The following TMEM128 variants were observed in gnomAD, a reference collection of about 807,000 sequenced individuals.
TMEM128 encodes transmembrane protein 128.
Under a neutral mutation model 19.7 loss-of-function variants are expected in TMEM128, and 16 were observed. That is an observed-to-expected ratio of 0.81 (90% CI 0.55 to 1.23). The LOEUF (loss-of-function observed/expected upper bound fraction) is 1.23. TMEM128 is among the 50% of genes most tolerant of loss of function. The pLI, the probability that TMEM128 is intolerant of heterozygous loss-of-function variation, is 0.00. For synonymous variants in TMEM128, 98 were observed against 75.8 expected (o/e 1.29, Z -1.52); for missense variants, 237 against 200.8 (o/e 1.18, Z -1.09).
intron 3 of TMEM128, 58 bp downstream of exon 3, chr4:4,240,263 T>C: frequency 6.3e-7 from 1 of 1,578,278 alleles, no homozygotes; most frequent in Non-Finnish European, 8.6e-7. Context: ...CATATCACTA[T>C]CTGATCAAAA....
At chr4:4,243,729 C>T (rs1718055014) in intron 2 of TMEM128, among the ~76,000 whole-genome samples, 1 of 152,144 alleles carries the variant, frequency 6.6e-6, no homozygotes, top group Non-Finnish European at 1.5e-5. Flanking sequence ...ACTTTCTTTC[C>T]AACCCCCACA....
At chr4:4,242,088 G>T (rs1260399754) in intron 2 of TMEM128, among the ~76,000 whole-genome samples, 1 of 152,094 alleles carries the variant, frequency 6.6e-6, no homozygotes, top group Non-Finnish European at 1.5e-5. Context: ...TTTTAGTAGA[G>T]ATGGGGTTTC....
Position 4,245,038 on chromosome 4 carries a change from G to A in TMEM128, c.239+1164C>T, listed in dbSNP as rs561538967. 4.6e-5 allele frequency among the ~76,000 whole-genome samples: 7 copies of A among 152,200 alleles called. No homozygotes were observed. In the South Asian group the frequency reaches 1.4e-3, roughly 31 times the overall value. On this transcript the variant is annotated intron_variant, in intron 2 of 4. Transcript: ENST00000382753. Reference sequence around the variant, plus strand: ...CACTGCTCCTCCTGAAGGCCCTTGAGGAGAAATCATGTGTCCTGCCATGAT... The same window carrying A: ...CACTGCTCCTCCTGAAGGCCCTTGAAGAGAAATCATGTGTCCTGCCATGAT...
At chr4:4,247,555 C>A in intron 1 of TMEM128, 2 of 1,613,818 alleles carry the variant, frequency 1.2e-6, no homozygotes, top group East Asian at 2.2e-5. Context: ...CTACTGAATT[C>A]TTCCATATTC....
At chr4:4,247,469 A>C in intron 1 of TMEM128, 1 of 1,243,050 alleles carries the variant, frequency 8.0e-7, no homozygotes, top group South Asian at 1.4e-5. Context: ...GAGATAAAAA[A>C]TATCCAAAAT....
At chr4:4,237,434 AC>A (rs1327978463) in intron 4 of TMEM128, among the ~76,000 whole-genome samples, 3 of 152,052 alleles carry the variant, frequency 2.0e-5, no homozygotes, top group African/African-American at 7.2e-5. Context: ...TCAGCCCCCA[AC>A]CCCCGCCAGC....
At position 4,235,547 on chromosome 4, in the gene TMEM128, TATAAAA is replaced by T. The variant is rs1260479258; in HGVS notation, c.*713_*718del. 6.6e-6 allele frequency: 1 copy of T among 152,446 alleles called. No homozygotes were observed. The highest frequency in any genetic ancestry group is 1.5e-5 in the Non-Finnish European group (1 of 68,040). 9.4% of individuals were successfully genotyped at this position (152,446 alleles called of 1,614,324 possible). ...GCATGAACAAAACTCACAAGAAAGT[TATAAAA>T]ATATTTTATTTAAATGATACAGAAA... On this transcript the variant is annotated 3_prime_UTR_variant, in exon 5 of 5. Coordinates refer to ENST00000382753, the MANE Select transcript of TMEM128 (RefSeq NM_001297551.2).
chr4:4,245,237 C>A (rs1718120280), intron 2 of TMEM128, among the ~76,000 whole-genome samples: 2 of 152,134 alleles, frequency 1.3e-5, no homozygotes, highest in Non-Finnish European at 2.9e-5. Context: ...GCAGTAAGGA[C>A]CCTAGGATAT....
In TMEM128 at chr4:4,237,919, A is replaced by G. The variant is rs757745482; in HGVS notation, c.415T>C (p.Trp139Arg). ...AAGICFNIAL[W>R]HVWSFFTPLL... ...GGAGTGAAAAACGACCACACATGCC[A>G]TAAAGCAATGTTGAAGCTGAAAAGA... The change falls in exon 4 of 5, where the codon TGG becomes CGG. Residue 139 changes from tryptophan (W) to arginine (R), a missense_variant. Coordinates refer to ENST00000382753, the MANE Select transcript of TMEM128 (RefSeq NM_001297551.2). The G allele has an allele frequency of 2.5e-6, 4 of 1,574,276 alleles. No individual in the cohort carries two copies. The highest frequency in any genetic ancestry group is 3.7e-5 in the Admixed American group (2 of 53,458).
At chr4:4,244,695 C>T (rs150514040) in intron 2 of TMEM128, among the ~76,000 whole-genome samples, 1 of 152,164 alleles carries the variant, frequency 6.6e-6, no homozygotes, top group East Asian at 1.9e-4. Flanking sequence ...AAAATGAAAA[C>T]CTAGAGACCT....
Position 4,248,174 on chromosome 4 carries a change from A to G in TMEM128, c.29T>C (p.Leu10Pro), listed in dbSNP as rs1362444990. The G allele has an allele frequency of 2.6e-6, 4 of 1,531,904 alleles. No individual in the cohort carries two copies. Among genetic ancestry groups the G allele is most frequent in the South Asian group, 2.4e-5 (2 of 83,464 alleles). 94.9% of individuals were successfully genotyped at this position (1,531,904 alleles called of 1,614,324 possible). A position where few individuals can be genotyped will look rare whatever the true frequency, so the allele number is the denominator to read the frequency against. ...CGGCAGGAGGAGGAATCGCCGCCGG[A>G]GCTGCTGCCGGGCCCGCGAGGAGTC... Reference protein sequence around the residue: MDSSRARQQLRRRFLLLPDA... With the variant: MDSSRARQQPRRRFLLLPDA... The change falls in exon 1 of 5, where the codon CTC becomes CCC. Residue 10 changes from leucine (L) to proline (P), a missense_variant. By Grantham distance (98) the Leu-to-Pro change is moderately conservative (BLOSUM62 -3). Coordinates refer to ENST00000382753, the MANE Select transcript of TMEM128 (RefSeq NM_001297551.2).
chr4:4,247,672 A>C, intron 1 of TMEM128: 1 of 1,614,030 alleles, frequency 6.2e-7, no homozygotes, highest in Non-Finnish European at 8.5e-7. Context: ...CCATTGGTAC[A>C]TACGAGTCGA....
Position 4,244,478 on chromosome 4 carries a change from C to CAAAATA in TMEM128, c.239+1718_239+1723dup, listed in dbSNP as rs573013339. On this transcript the variant is annotated intron_variant, in intron 2 of 4. Coordinates refer to ENST00000382753, the MANE Select transcript of TMEM128 (RefSeq NM_001297551.2). ...GACAGAGTGCAGCGAGACCCTGTCT[C>CAAAATA]AAAATAAAAATAAAAATAAAGTATC... 6.2e-4 allele frequency among the ~76,000 whole-genome samples: 95 copies of CAAAATA among 152,084 alleles called. 1 individual carries two copies. In the East Asian group the frequency reaches 0.017, roughly 28 times the overall value.
intron 2 of TMEM128, among the ~76,000 whole-genome samples, chr4:4,244,520 G>A (rs1317743462): frequency 1.3e-5 from 2 of 152,080 alleles, no homozygotes; most frequent in African/African-American, 4.8e-5. Flanking sequence ...TCTTTTCCCA[G>A]CCCAAGTTCT....
chr4:4,248,045 G>A, intron 1 of TMEM128, 61 bp downstream of exon 1: 2 of 1,526,832 alleles, frequency 1.3e-6, no homozygotes, highest in South Asian at 2.4e-5. Context: ...GCTGCCGGAG[G>A]CCGGCCGTTT....
At position 4,248,190 on chromosome 4, in the gene TMEM128, G is replaced by C. The variant is rs749553570; in HGVS notation, c.13C>G (p.Arg5Gly). The C allele has an allele frequency of 6.6e-7, 1 of 1,525,590 alleles. No individual in the cohort carries two copies. Among genetic ancestry groups the C allele is most frequent in the South Asian group, 1.2e-5 (1 of 82,796 alleles). 94.5% of individuals were successfully genotyped at this position (1,525,590 alleles called of 1,614,324 possible). The change falls in exon 1 of 5, where the codon CGG (arginine) becomes GGG (glycine). Residue 5 changes from arginine (R) to glycine (G), a missense_variant. Arg to Gly is a moderately radical substitution (Grantham distance 125). Coordinates refer to ENST00000382753, the MANE Select transcript of TMEM128 (RefSeq NM_001297551.2). ...CGCCGCCGGAGCTGCTGCCGGGCCC[G>C]CGAGGAGTCCATCTTGGTACCGCCC... MDSSRARQQLRRRFL... is the reference protein window; with the variant it reads MDSSGARQQLRRRFL...
intron 2 of TMEM128, among the ~76,000 whole-genome samples, chr4:4,242,509 A>AT (rs1373461021): frequency 6.9e-6 from 1 of 144,418 alleles, no homozygotes; most frequent in Non-Finnish European, 1.5e-5. Flanking sequence ...ACATGTGGAT[A>AT]TGAGAAAAAA....
chr4:4,241,719 A>G (rs1717963757), intron 2 of TMEM128, among the ~76,000 whole-genome samples: 1 of 152,192 alleles, frequency 6.6e-6, no homozygotes, highest in South Asian at 2.1e-4. Context: ...ATGGGTTTGA[A>G]TCTTAACTTG....
intron 2 of TMEM128, among the ~76,000 whole-genome samples, chr4:4,242,877 G>A (rs1196458106): frequency 6.6e-6 from 1 of 152,122 alleles, no homozygotes; most frequent in African/African-American, 2.4e-5. Flanking sequence ...GTGGTCCTCG[G>A]CCCTGGCTTT....
Sources: allele counts gnomAD v4.1 joint callset (sites outside exome capture counted in the v4.1 genomes callset), GRCh38; gene constraint gnomAD v4.1.1; transcripts MANE v1.5; gene names NCBI Gene and HGNC (gene_info 2026-07-23, HGNC 2026-07-21).